The following LUZP2 variants were observed in gnomAD, a reference collection of about 807,000 sequenced individuals.
LUZP2 encodes the protein leucine zipper protein 2.
In LUZP2, 52 loss-of-function variants were observed where a neutral mutation model predicts 51.6. That is an observed-to-expected ratio of 1.01 (90% CI 0.81 to 1.27). The LOEUF is 1.27. Ranked by LOEUF, LUZP2 falls within the 50% of genes most tolerant of loss-of-function variation. The pLI is 0.00. For missense variants in LUZP2, 436 were observed against 395.4 expected (o/e 1.10, Z -0.87); for synonymous variants, 154 against 137.3 (o/e 1.12, Z -0.85).
At chr11:24,861,588 G>A (rs551073229) in intron 5 of LUZP2, among the ~76,000 whole-genome samples, 1 of 152,266 alleles carries the variant, frequency 6.6e-6, no homozygotes, top group Admixed American at 6.5e-5. Flanking sequence ...CTGAGCAACA[G>A]ATGAAAGGAG....
intron 9 of LUZP2, among the ~76,000 whole-genome samples, chr11:25,024,046 A>G (rs1265983044): frequency 1.3e-5 from 2 of 152,094 alleles, no homozygotes; most frequent in Non-Finnish European, 2.9e-5. Context: ...AGGGTGCTTT[A>G]CTTCCAACTA....
chr11:24,620,620 A>T (rs1854462233), intron 1 of LUZP2, among the ~76,000 whole-genome samples: 1 of 152,230 alleles, frequency 6.6e-6, no homozygotes, highest in Non-Finnish European at 1.5e-5. Context: ...CAAAGTCACT[A>T]AATTCTTGTG....
At chr11:24,554,961 T>C (rs1004488970) in intron 1 of LUZP2, among the ~76,000 whole-genome samples, 5 of 152,064 alleles carry the variant, frequency 3.3e-5, no homozygotes, top group African/African-American at 1.2e-4. Context: ...AAAGCTACTA[T>C]GGTGTCTTGA....
chr11:24,780,211 T>A (rs1849049664), intron 5 of LUZP2, among the ~76,000 whole-genome samples: 1 of 152,170 alleles, frequency 6.6e-6, no homozygotes, highest in African/African-American at 2.4e-5. Context: ...GTGGATTCCA[T>A]TTCCAGCTAT....
chr11:24,571,795 A>T (rs1369955677), intron 1 of LUZP2, among the ~76,000 whole-genome samples: 1 of 152,002 alleles, frequency 6.6e-6, no homozygotes, highest in Non-Finnish European at 1.5e-5. Flanking sequence ...GTATCTGCTG[A>T]TTTTTACCAG....
At chr11:24,699,568 G>T (rs1012168227) in intron 1 of LUZP2, among the ~76,000 whole-genome samples, 6 of 151,654 alleles carry the variant, frequency 4.0e-5, no homozygotes, top group African/African-American at 1.5e-4. Context: ...AGAAGTTTTT[G>T]GGGGGACATG....
At chr11:24,800,627 T>G (rs903453021) in intron 5 of LUZP2, among the ~76,000 whole-genome samples, 5 of 152,094 alleles carry the variant, frequency 3.3e-5, no homozygotes, top group Non-Finnish European at 5.9e-5. Context: ...ATATCCTCAC[T>G]TATCTTCCTC....
chr11:25,020,501 C>G (rs1171977845), intron 9 of LUZP2, among the ~76,000 whole-genome samples: 1 of 152,000 alleles, frequency 6.6e-6, no homozygotes, highest in Non-Finnish European at 1.5e-5. Flanking sequence ...TTTGAGGAAT[C>G]ACTCATTCTT....
intron 1 of LUZP2, among the ~76,000 whole-genome samples, chr11:24,671,403 A>G (rs1203913303): frequency 1.3e-5 from 2 of 152,038 alleles, no homozygotes; most frequent in African/African-American, 4.8e-5. Flanking sequence ...TTGTTCTTCT[A>G]AGTAACACTG....
chr11:24,861,595 G>A (rs1034455615), intron 5 of LUZP2, among the ~76,000 whole-genome samples: 3 of 152,130 alleles, frequency 2.0e-5, no homozygotes, highest in African/African-American at 7.2e-5. Flanking sequence ...ACAGATGAAA[G>A]GAGTACTCAG....
At chr11:24,647,922 T>C (rs1322808100) in intron 1 of LUZP2, among the ~76,000 whole-genome samples, 3 of 151,866 alleles carry the variant, frequency 2.0e-5, no homozygotes, top group Admixed American at 6.6e-5. Flanking sequence ...ATTATTTTAA[T>C]GAAATAAGGT....
intron 5 of LUZP2, among the ~76,000 whole-genome samples, chr11:24,793,180 C>T (rs1453485614): frequency 6.6e-6 from 1 of 152,098 alleles, no homozygotes; most frequent in Non-Finnish European, 1.5e-5. Context: ...TGGAATTTCC[C>T]TGTATGATTG....
intron 5 of LUZP2, among the ~76,000 whole-genome samples, chr11:24,867,889 T>TA (rs1851945937): frequency 6.6e-6 from 1 of 152,176 alleles, no homozygotes; most frequent in Non-Finnish European, 1.5e-5. Flanking sequence ...TATTACAACT[T>TA]ATCAGTACTG....
chr11:24,982,924 T>C (rs181088498), intron 8 of LUZP2, among the ~76,000 whole-genome samples: 1 of 151,878 alleles, frequency 6.6e-6, no homozygotes. Flanking sequence ...TCAAAATATA[T>C]CATGAAATGC....
chr11:24,800,834 C>A (rs1426489448), intron 5 of LUZP2, among the ~76,000 whole-genome samples: 1 of 152,094 alleles, frequency 6.6e-6, no homozygotes, highest in Non-Finnish European at 1.5e-5. Context: ...TTTTCTAAAA[C>A]CCTGCAAATG....
At chr11:24,663,537 CAA>C (rs1856095407) in intron 1 of LUZP2, among the ~76,000 whole-genome samples, 1 of 152,098 alleles carries the variant, frequency 6.6e-6, no homozygotes, top group Admixed American at 6.6e-5. Context: ...ACTTTCTTCT[CAA>C]GATTATATTT....
At chr11:24,854,486 A>T (rs1032136116) in intron 5 of LUZP2, among the ~76,000 whole-genome samples, 1 of 152,136 alleles carries the variant, frequency 6.6e-6, no homozygotes, top group Non-Finnish European at 1.5e-5. Flanking sequence ...GCTTGAGCAT[A>T]CCAGGTTGTC....
At chr11:25,012,621 G>T (rs897581950) in intron 9 of LUZP2, among the ~76,000 whole-genome samples, 3 of 152,082 alleles carry the variant, frequency 2.0e-5, no homozygotes, top group African/African-American at 7.2e-5. Context: ...TGAAAAAAAT[G>T]CTCAACATTA....
At chr11:24,612,625 T>C (rs73433050) in intron 1 of LUZP2, among the ~76,000 whole-genome samples, 416 of 152,222 alleles carry the variant, frequency 2.7e-3, no homozygotes, top group African/African-American at 9.7e-3. Context: ...CTCACCCTAC[T>C]TTTAAAGATA....
Sources: allele counts gnomAD v4.1 joint callset (sites outside exome capture counted in the v4.1 genomes callset), GRCh38; gene constraint gnomAD v4.1.1; transcripts MANE v1.5; gene names NCBI Gene and HGNC (gene_info 2026-07-23, HGNC 2026-07-21).